LRRTM4: variants seen among roughly 807,000 people sequenced by gnomAD.
The protein encoded by LRRTM4 is leucine-rich repeat transmembrane neuronal protein 4.
Under a neutral mutation model 47.6 loss-of-function variants are expected in LRRTM4, and 25 were observed. That is an observed-to-expected ratio of 0.53 (90% CI 0.38 to 0.73). The LOEUF is 0.73. LRRTM4 is among the 30% of genes least tolerant of loss of function. The pLI is 0.00. For missense variants in LRRTM4, 638 were observed against 713.4 expected (o/e 0.89, Z 1.20); for synonymous variants, 311 against 269.5 (o/e 1.15, Z -1.51).
At chr2:77,386,997 T>G (rs2103805637) in intron 3 of LRRTM4, among the ~76,000 whole-genome samples, 1 of 152,242 alleles carries the variant, frequency 6.6e-6, no homozygotes, top group African/African-American at 2.4e-5. Flanking sequence ...TCATGCCAAT[T>G]ACTTCTCAAT....
At chr2:77,389,765 A>G (rs1382285556) in intron 3 of LRRTM4, among the ~76,000 whole-genome samples, 2 of 152,026 alleles carry the variant, frequency 1.3e-5, no homozygotes, top group African/African-American at 4.8e-5. Flanking sequence ...AAGTTAATAT[A>G]ATAGCCAACC....
intron 3 of LRRTM4, among the ~76,000 whole-genome samples, chr2:77,507,760 C>T (rs138106197): frequency 1.7e-3 from 257 of 152,086 alleles, no homozygotes; most frequent in African/African-American, 5.5e-3. Context: ...GAAACAGCTA[C>T]TATCAAATTG....
At chr2:77,143,682 T>C (rs1573005495) in intron 3 of LRRTM4, among the ~76,000 whole-genome samples, 1 of 152,206 alleles carries the variant, frequency 6.6e-6, no homozygotes, top group African/African-American at 2.4e-5. Flanking sequence ...AAGATATGCA[T>C]ATGAAGAGCC....
chr2:76,806,196 A>T (rs6754541), intron 3 of LRRTM4, among the ~76,000 whole-genome samples: 8 of 152,060 alleles, frequency 5.3e-5, no homozygotes, highest in African/African-American at 1.9e-4. Context: ...TAAACAAATA[A>T]CTAGGCACTC....
rs778585651 is a variant in LRRTM4, at chr2:77,196,135, A to G, written c.1551+322183T>C. Among the ~76,000 whole-genome samples the G allele has an allele frequency of 7.8e-4, 119 of 152,288 alleles. No individual in the cohort carries two copies. The Middle Eastern group carries it at 0.017, about 22-fold the overall frequency. ...TGTTTGGTTATTGTCATTTAATAAG[A>G]CGGTGGAAGTGAAGAGAAATTTATA... On this transcript the variant is annotated intron_variant, in intron 3 of 3. Coordinates refer to ENST00000409884, the MANE Select transcript of LRRTM4 (RefSeq NM_001134745.3).
intron 3 of LRRTM4, among the ~76,000 whole-genome samples, chr2:77,505,252 A>G (rs888340120): frequency 7.3e-5 from 11 of 151,354 alleles, no homozygotes; most frequent in African/African-American, 2.7e-4. Flanking sequence ...ACCAAAGTAT[A>G]GGAAAAAAGA....
chr2:77,472,162 C>T (rs1677214224), intron 3 of LRRTM4, among the ~76,000 whole-genome samples: 1 of 151,980 alleles, frequency 6.6e-6, no homozygotes, highest in South Asian at 2.1e-4. Flanking sequence ...TTGAAATGGC[C>T]CCTAAGTGTA....
intron 3 of LRRTM4, among the ~76,000 whole-genome samples, chr2:76,940,923 T>C (rs1210296033): frequency 6.6e-6 from 1 of 152,242 alleles, no homozygotes; most frequent in South Asian, 2.1e-4. Context: ...AGTGAACATT[T>C]GCTGACAATT....
At chr2:77,023,824 G>C (rs957889542) in intron 3 of LRRTM4, among the ~76,000 whole-genome samples, 1 of 152,076 alleles carries the variant, frequency 6.6e-6, no homozygotes, top group African/African-American at 2.4e-5. Context: ...TCCAACCTCT[G>C]CCTGTTATCC....
rs184014100 is a variant in LRRTM4, at chr2:77,128,012, G to A, written c.1552-379096C>T. ...ACAAAAATTTGCCAGGCGTAGTGGCGCACGCCTGTAATCCCAGCTACTCAG... is the reference window on the plus strand; with the variant it reads ...ACAAAAATTTGCCAGGCGTAGTGGCACACGCCTGTAATCCCAGCTACTCAG... On this transcript the variant is annotated intron_variant, in intron 3 of 3. Transcript: ENST00000409884. 2.4e-4 allele frequency among the ~76,000 whole-genome samples: 36 copies of A among 151,930 alleles called. No homozygotes were observed. The South Asian group carries it at 2.7e-3, about 11-fold the overall frequency.
At chr2:76,915,876 T>G (rs917339739) in intron 3 of LRRTM4, among the ~76,000 whole-genome samples, 1 of 152,144 alleles carries the variant, frequency 6.6e-6, no homozygotes, top group Non-Finnish European at 1.5e-5. Flanking sequence ...AAAAGTAGAT[T>G]ATTAAATAAT....
chr2:77,191,530 A>G (rs943696616), intron 3 of LRRTM4, among the ~76,000 whole-genome samples: 1 of 151,900 alleles, frequency 6.6e-6, no homozygotes, highest in Non-Finnish European at 1.5e-5. Context: ...AAGTTTCCTT[A>G]GGATAAAAGT....
chr2:77,416,431 A>C (rs546005859), intron 3 of LRRTM4, among the ~76,000 whole-genome samples: 7 of 152,264 alleles, frequency 4.6e-5, no homozygotes, highest in East Asian at 3.9e-4. Flanking sequence ...ACTCATGGTA[A>C]GTACTAAAAC....
intron 3 of LRRTM4, among the ~76,000 whole-genome samples, chr2:77,001,935 C>G (rs1268230789): frequency 5.3e-5 from 8 of 152,130 alleles, no homozygotes; most frequent in Admixed American, 5.2e-4. Context: ...AAACACTCTG[C>G]CCTCCTGCTC....
At position 77,234,620 on chromosome 2, in the gene LRRTM4, G is replaced by C. The variant is rs188231560; in HGVS notation, c.1551+283698C>G. 6.8e-3 allele frequency among the ~76,000 whole-genome samples: 1,041 copies of C among 152,272 alleles called. 7 individuals are homozygous for C. The highest frequency in any genetic ancestry group is 0.014 in the Admixed American group (216 of 15,292). On this transcript the variant is annotated intron_variant, in intron 3 of 3. Transcript: ENST00000409884. ...ATTTGGAATTATTAGAGCAATGACT[G>C]ATTTAATCTTGTCTGCACATTGAAA...
chr2:76,850,875 G>T (rs981558802), intron 3 of LRRTM4, among the ~76,000 whole-genome samples: 6 of 152,162 alleles, frequency 3.9e-5, no homozygotes, highest in Admixed American at 1.3e-4. Context: ...AGTTAGAAAT[G>T]GATCAAATAT....
At chr2:76,991,503 A>G (rs1677008172) in intron 3 of LRRTM4, among the ~76,000 whole-genome samples, 1 of 151,830 alleles carries the variant, frequency 6.6e-6, no homozygotes, top group Admixed American at 6.6e-5. Flanking sequence ...TGTTATGAAC[A>G]TACCAATGCA....
intron 3 of LRRTM4, among the ~76,000 whole-genome samples, chr2:76,904,541 A>C (rs1410742151): frequency 6.6e-6 from 1 of 152,214 alleles, no homozygotes; most frequent in Non-Finnish European, 1.5e-5. Context: ...GAAACATTAT[A>C]TATCTCTGTC....
intron 3 of LRRTM4, among the ~76,000 whole-genome samples, chr2:76,761,142 C>T (rs1673238344): frequency 6.6e-6 from 1 of 152,220 alleles, no homozygotes; most frequent in Admixed American, 6.5e-5. Context: ...GTAGGCCCAG[C>T]AGGGCGTACA....
Sources: allele counts gnomAD v4.1 joint callset (sites outside exome capture counted in the v4.1 genomes callset), GRCh38; gene constraint gnomAD v4.1.1; transcripts MANE v1.5; gene names NCBI Gene and HGNC (gene_info 2026-07-23, HGNC 2026-07-21).